The following WNK4 variants were observed in gnomAD, a reference collection of about 807,000 sequenced individuals.
WNK4 encodes the protein serine/threonine-protein kinase WNK4.
A neutral mutation model predicts 116.2 loss-of-function variants in WNK4; 94 were observed. That is an observed-to-expected ratio of 0.81 (90% CI 0.68 to 0.96). The LOEUF (loss-of-function observed/expected upper bound fraction) is 0.96. Among genes scored for constraint, WNK4 ranks in the 40% least tolerant of loss-of-function variants. WNK4 has a pLI of 0.00. For missense variants in WNK4, 1,542 were observed against 1,650.6 expected, an observed-to-expected ratio of 0.93 and a Z score of 1.14; for synonymous variants, 655 against 672.7, an observed-to-expected ratio of 0.97 and a Z score of 0.41.
rs756782104 is a variant in WNK4 at position 42,785,186 on chromosome 17, G to T, written c.1259+1G>T. The T allele has an allele frequency of 4.3e-6, 7 of 1,613,576 alleles. No homozygotes were observed. The African/African-American group carries it at 9.3e-5, about 22-fold the overall frequency. ...GCATCCGCACGGATAAGAACGAGAG[G>T]TGGGGGTGAAAGGGCAGAGCGTGGG... On this transcript the variant is annotated splice_donor_variant, in intron 5 of 18. Transcript: ENST00000246914. LOFTEE classifies it high-confidence loss of function.
rs1211328742 is a variant in WNK4 at position 42,795,307 on chromosome 17, C to T, written c.2886C>T (p.Ser962=). 4.3e-6 allele frequency: 7 copies of T among 1,613,930 alleles called. No homozygotes were observed. Among genetic ancestry groups the T allele is most frequent in the Non-Finnish European group, 5.1e-6 (6 of 1,179,998 alleles). Reference sequence around the variant, plus strand: ...CAGCCCCTCCTAGTCCCCTCCCTAGCCTGCCCCTTCCCCCTCCCGTTGCTC... The same window carrying T: ...CAGCCCCTCCTAGTCCCCTCCCTAGTCTGCCCCTTCCCCCTCCCGTTGCTC... ...SPPAPPSPLP[S]LPLPPPVAPG... is the part of the protein sequence containing the mutation. Residue 962 remains serine (S), a synonymous_variant, in exon 14 of 19, where the codon AGC becomes AGT. Coordinates refer to ENST00000246914, the MANE Select transcript of WNK4 (RefSeq NM_032387.5).
intron 11 of WNK4, among the ~76,000 whole-genome samples, chr17:42,789,665 AAAAT>A (rs3138622): frequency 0.014 from 1,997 of 143,116 alleles, 25 homozygotes; most frequent in African/African-American, 0.03. Context: ...ATTCTGTCTA[AAAAT>A]AAATAAATAA....
chr17:42,782,796 A>G lies in WNK4; in HGVS notation c.657A>G (p.Ser219=). The G allele has an allele frequency of 6.2e-7, 1 of 1,614,146 alleles. No individual in the cohort carries two copies. Among genetic ancestry groups the G allele is most frequent in the South Asian group, 1.1e-5 (1 of 91,082 alleles). ...CTAGAGCTGAGCGGCAGCGCTTCTC[A>G]GAGGAGGTGGAGATGCTCAAGGGGC... ...KLSRAERQRF[S]EEVEMLKGLQ... The change falls in exon 2 of 19, where the codon TCA becomes TCG. Residue 219 remains serine (S), a synonymous_variant. Transcript: ENST00000246914. The surrounding 1 kb of genome is among the most constrained non-coding windows in gnomAD (Gnocchi z 4.2).
At chr17:42,783,886 C>G (rs753358914) in intron 2 of WNK4, 51 bp from the exon 3 acceptor site, 2 of 1,553,914 alleles carry the variant, frequency 1.3e-6, no homozygotes, top group Non-Finnish European at 1.7e-6. Flanking sequence ...GGGGCTCCTT[C>G]CCGGAGGACG....
At chr17:42,786,518 G>T (rs2054551388) in intron 6 of WNK4, among the ~76,000 whole-genome samples, 1 of 152,190 alleles carries the variant, frequency 6.6e-6, no homozygotes, top group South Asian at 2.1e-4. Flanking sequence ...TCCGCCTCCT[G>T]TGTAGCTGGG....
rs745877592 is a variant in WNK4, at chr17:42,796,535, G to A, written c.3686G>A (p.Arg1229Gln). The change falls in exon 18 of 19, where the codon CGG becomes CAG. Residue 1229 changes from arginine to glutamine, a missense_variant. Around this residue, in one of 7 missense-constraint regions of WNK4, gnomAD observed 148 missense variants for 157.2 expected, o/e 0.94. Transcript: ENST00000246914. Reference protein sequence around the residue: ...SGSSTGSQEQRASKGVTFAGD... With the variant: ...SGSSTGSQEQQASKGVTFAGD... ...AGCAGCACCGGCTCCCAGGAGCAGC[G>A]GGCAAGCAAGGGGGTGACATTCGCC... The A allele has an allele frequency of 3.7e-6, 6 of 1,613,944 alleles. No individual in the cohort carries two copies. In the African/African-American group the frequency reaches 4.0e-5, roughly 11 times the overall value.
rs763740545 is a variant in WNK4, at chr17:42,785,181, G to T, written c.1255G>T (p.Glu419Ter). The part of the protein sequence containing the change: ...IEGCIRTDKN[E>*]RFTIQDLLAH... ...AGGCTGCATCCGCACGGATAAGAAC[G>T]AGAGGTGGGGGTGAAAGGGCAGAGC... The change falls in exon 5 of 19, where the codon GAG becomes TAG. Residue 419 changes from glutamate (E) to a stop codon, truncating the protein, a stop_gained. Transcript: ENST00000246914. LOFTEE classifies it high-confidence loss of function. 6.2e-7 allele frequency: 1 copy of T among 1,613,758 alleles called. No homozygotes were observed. Among genetic ancestry groups the T allele is most frequent in the South Asian group, 1.1e-5 (1 of 90,968 alleles).
rs2054528402 is a variant in WNK4 at position 42,784,944 on chromosome 17, T to G, written c.1171-153T>G. 6.9e-6 allele frequency among the ~76,000 whole-genome samples: 1 copy of G among 145,238 alleles called. No individual in the cohort carries two copies. The highest frequency in any genetic ancestry group is 2.6e-5 in the African/African-American group (1 of 37,818). Reference sequence around the variant, plus strand: ...AAATACTTGGGGGGGGGGCGGGGATTAGGATTTGAAATCACATCTTCCAGT... The same window carrying G: ...AAATACTTGGGGGGGGGGCGGGGATGAGGATTTGAAATCACATCTTCCAGT... On this transcript the variant is annotated intron_variant, in intron 4 of 18. Coordinates refer to ENST00000246914, the MANE Select transcript of WNK4 (RefSeq NM_032387.5). The surrounding 1 kb of genome is among the most constrained non-coding windows in gnomAD (Gnocchi z 4.4).
At position 42,796,572 on chromosome 17, in the gene WNK4, C is replaced by T. The variant is rs1386360872; in HGVS notation, c.3723C>T (p.Gly1241=). Residue 1241 remains glycine (G), a synonymous_variant, in exon 18 of 19, where the codon GGC becomes GGT. Coordinates refer to ENST00000246914, the MANE Select transcript of WNK4 (RefSeq NM_032387.5). ...GGGTGACATTCGCCGGGGATGTTGG[C>T]AGGATGGTGAGGGCGGGCCCAAGGG... is the stretch of plus-strand genomic sequence containing the variant. The part of the protein sequence containing the change: ...SKGVTFAGDV[G]RM 1.2e-6 allele frequency: 2 copies of T among 1,614,088 alleles called. No individual in the cohort carries two copies. The highest frequency in any genetic ancestry group is 8.5e-7 in the Non-Finnish European group (1 of 1,180,032).
intron 10 of WNK4, 22 bp from the exon 11 acceptor site, chr17:42,788,659 T>C: frequency 6.3e-7 from 1 of 1,592,002 alleles, no homozygotes; most frequent in Non-Finnish European, 8.6e-7. Context: ...CCTTCTCCCC[T>C]CTGCTGACTT....
intron 1 of WNK4, among the ~76,000 whole-genome samples, chr17:42,781,639 G>T (rs766820414): frequency 6.6e-6 from 1 of 152,110 alleles, no homozygotes; most frequent in African/African-American, 2.4e-5. Context: ...CCTGCTGGTG[G>T]GTACCCGCAA....
intron 12 of WNK4, chr17:42,794,360 G>A (rs983224491): frequency 3.2e-5 from 18 of 556,698 alleles, no homozygotes; most frequent in South Asian, 1.1e-4. Context: ...CCACCTTAGC[G>A]TCATCATTGT....
rs1024400255 is a variant in WNK4, at chr17:42,782,010, C to T, written c.618+694C>T. On this transcript the variant is annotated intron_variant, in intron 1 of 18. Coordinates refer to ENST00000246914, the MANE Select transcript of WNK4 (RefSeq NM_032387.5). The surrounding 1 kb of genome is among the most constrained non-coding windows in gnomAD (Gnocchi z 4.2). ...ATGGGCTTTAGGGGGACCTTCCTCC[C>T]ATTGCTCCCATGCTACATATGGGTT... 1.4e-4 allele frequency among the ~76,000 whole-genome samples: 22 copies of T among 152,216 alleles called. No homozygotes were observed. The highest frequency in any genetic ancestry group is 5.3e-4 in the African/African-American group (22 of 41,464).
chr17:42,793,894 C>A lies in WNK4; in HGVS notation c.2295+165C>A, dbSNP rs1158472261. 5 of 873,390 alleles carry A rather than the reference C, an allele frequency of 5.7e-6. No individual in the cohort carries two copies. The African/African-American group carries it at 8.6e-5, about 15-fold the overall frequency. The allele number at this position is 873,390 out of a possible 1,614,324, so 54.1% of individuals were successfully genotyped here. A position where few individuals can be genotyped will look rare whatever the true frequency, so the allele number is the denominator to read the frequency against. On this transcript the variant is annotated intron_variant, in intron 12 of 18. Coordinates refer to ENST00000246914, the MANE Select transcript of WNK4 (RefSeq NM_032387.5). ...TTGAGATGGAGTCTCACTCTGTCGC[C>A]CAGGCTGGAGTGCAGTGGCACGATC...
chr17:42,781,458 GC>G, intron 1 of WNK4, 142 bp downstream of exon 1: 1 of 1,178,564 alleles, frequency 8.5e-7, no homozygotes, highest in Non-Finnish European at 1.2e-6. Context: ...TGCTGTCTTT[GC>G]CCTGAATGAT....
chr17:42,784,430 G>C lies in WNK4; in HGVS notation c.1021G>C (p.Glu341Gln). The C allele has an allele frequency of 6.2e-7, 1 of 1,613,658 alleles. No individual in the cohort carries two copies. The highest frequency in any genetic ancestry group is 8.5e-7 in the Non-Finnish European group (1 of 1,179,860). Residue 341 changes from glutamate (E) to glutamine (Q), a missense_variant, in exon 4 of 19, where the codon GAA (glutamate) becomes CAA (glutamine). By Grantham distance (29) the Glu-to-Gln change is conservative. This residue lies in a region of WNK4 where 808 missense variants were observed against 873.6 expected (regional missense o/e 0.92). Transcript: ENST00000246914. The surrounding 1 kb of genome is among the most constrained non-coding windows in gnomAD (Gnocchi z 4.4). ...TGCTGTGGACCCTACAGGGACCCCG[G>C]AATTCATGGCCCCCGAGATGTACGA... The part of the protein sequence containing the change: ...SFAKSVIGTP[E>Q]FMAPEMYEEK...
chr17:42,794,586 T>A, intron 12 of WNK4, 28 bp from the exon 13 acceptor site: 5 of 1,613,408 alleles, frequency 3.1e-6, no homozygotes, highest in Non-Finnish European at 4.2e-6. Context: ...TTCCCCACTG[T>A]GACTGCGGAC....
rs61754326 is a variant in WNK4, at chr17:42,780,937, C to A, written c.239C>A (p.Ala80Asp). ...TCTTGGTCCCTGCCAGCCTCACCCG[C>A]TCCGGACCCCCCCGATCCTCCGGAC... ...LSSWSLPASP[A>D]PDPPDPPDSA... is the part of the protein sequence containing the mutation. The change falls in exon 1 of 19, where the codon GCT (alanine) becomes GAT (aspartate). Residue 80 changes from alanine to aspartate, a missense_variant. Coordinates refer to ENST00000246914, the MANE Select transcript of WNK4 (RefSeq NM_032387.5). The A allele has an allele frequency of 3.9e-3, 6,209 of 1,609,844 alleles. 204 individuals are homozygous for A. In the African/African-American group the frequency reaches 0.071, roughly 19 times the overall value.
rs9916247 is a variant in WNK4 at position 42,787,214 on chromosome 17, C to T, written c.1477-64C>T. The T allele has an allele frequency of 0.021, 33,841 of 1,604,572 alleles. 2,893 individuals carry two copies. In the African/African-American group the frequency reaches 0.23, roughly 11 times the overall value. ...CCATATCCTGGAGTTCCCAAGAAGGCGTCCTGATGGATCTTTGATAGGGGG... is the reference window on the plus strand; with the variant it reads ...CCATATCCTGGAGTTCCCAAGAAGGTGTCCTGATGGATCTTTGATAGGGGG... On this transcript the variant is annotated intron_variant, in intron 6 of 18. Coordinates refer to ENST00000246914, the MANE Select transcript of WNK4 (RefSeq NM_032387.5).
Sources: allele counts gnomAD v4.1 joint callset (sites outside exome capture counted in the v4.1 genomes callset), GRCh38; gene constraint gnomAD v4.1.1; regional missense constraint gnomAD v4.1.1; non-coding constraint Gnocchi (gnomAD v3.1); transcripts MANE v1.5; gene names NCBI Gene and HGNC (gene_info 2026-07-23, HGNC 2026-07-21).